Variants in KCNK1 observed in about 807,000 individuals in gnomAD.
The protein encoded by KCNK1 is potassium channel subfamily K member 1.
A neutral mutation model predicts 22.2 loss-of-function variants in KCNK1; 10 were observed. The observed-to-expected ratio is 0.45, with a 90% confidence interval of 0.28 to 0.76. The LOEUF is 0.76. Among genes scored for constraint, KCNK1 ranks in the 30% least tolerant of loss-of-function variants. The pLI is 0.14. For missense variants in KCNK1, 378 were observed against 421.0 expected, an observed-to-expected ratio of 0.90 and a Z score of 0.89; for synonymous variants, 200 against 186.4, an observed-to-expected ratio of 1.07 and a Z score of -0.60.
intron 1 of KCNK1, among the ~76,000 whole-genome samples, chr1:233,638,529 CTG>C (rs201385230): frequency 0.015 from 2,228 of 152,148 alleles, 31 homozygotes; most frequent in Non-Finnish European, 0.018. Flanking sequence ...GCAGGGTAAA[CTG>C]TGCTCTGCAG....
intron 1 of KCNK1, among the ~76,000 whole-genome samples, chr1:233,635,431 A>G (rs1571894283): frequency 6.6e-6 from 1 of 152,200 alleles, no homozygotes. Context: ...TGCCTCCAAG[A>G]TCATAACATT....
chr1:233,668,503 C>T (rs912168999), intron 2 of KCNK1, among the ~76,000 whole-genome samples: 4 of 152,132 alleles, frequency 2.6e-5, no homozygotes, highest in Non-Finnish European at 5.9e-5. Flanking sequence ...ATTTTTAGAG[C>T]CCATATGGTA....
intron 1 of KCNK1, among the ~76,000 whole-genome samples, chr1:233,648,425 A>G (rs542835371): frequency 2.6e-5 from 4 of 152,130 alleles, no homozygotes; most frequent in African/African-American, 9.7e-5. Context: ...TCCATCCCAC[A>G]TACCTCACCC....
chr1:233,661,209 G>A (rs771394200), intron 1 of KCNK1, among the ~76,000 whole-genome samples: 4 of 152,012 alleles, frequency 2.6e-5, no homozygotes, highest in South Asian at 2.1e-4. Flanking sequence ...ATTTCTAATC[G>A]TTCTTTCACT....
chr1:233,616,327 G>A (rs1174186084), intron 1 of KCNK1, among the ~76,000 whole-genome samples: 2 of 151,880 alleles, frequency 1.3e-5, no homozygotes, highest in East Asian at 1.9e-4. Flanking sequence ...TATCTGGGTG[G>A]GATTTTTCGT....
chr1:233,631,762 A>G (rs1290254642), intron 1 of KCNK1, among the ~76,000 whole-genome samples: 4 of 152,204 alleles, frequency 2.6e-5, no homozygotes, highest in Non-Finnish European at 5.9e-5. Context: ...GTTTTCACAC[A>G]TTAGCCTTGT....
intron 1 of KCNK1, among the ~76,000 whole-genome samples, chr1:233,626,680 A>T (rs1325899017): frequency 1.3e-5 from 2 of 152,170 alleles, no homozygotes; most frequent in South Asian, 2.1e-4. Flanking sequence ...CTGCCATTTA[A>T]TGAATACATT....
chr1:233,659,030 A>T (rs1658347224), intron 1 of KCNK1, among the ~76,000 whole-genome samples: 1 of 152,058 alleles, frequency 6.6e-6, no homozygotes, highest in African/African-American at 2.4e-5. Flanking sequence ...TTATTATATT[A>T]ATCTTAGCTT....
intron 2 of KCNK1, 144 bp from the exon 3 acceptor site, chr1:233,671,127 A>G: frequency 1.3e-6 from 1 of 758,228 alleles, no homozygotes; most frequent in Non-Finnish European, 2.2e-6. Context: ...ATGAACTTAA[A>G]AACACTTCTA....
intron 1 of KCNK1, among the ~76,000 whole-genome samples, chr1:233,618,831 C>T (rs1657529499): frequency 6.6e-6 from 1 of 151,946 alleles, no homozygotes; most frequent in Non-Finnish European, 1.5e-5. Flanking sequence ...TTGCAGTGAG[C>T]CAAGATTGCA....
chr1:233,623,803 G>T (rs1571889354), intron 1 of KCNK1, among the ~76,000 whole-genome samples: 1 of 152,162 alleles, frequency 6.6e-6, no homozygotes, highest in Admixed American at 6.5e-5. Flanking sequence ...TGGTTGCCAT[G>T]CTGGTCTTGA....
At chr1:233,614,616 C>T in intron 1 of KCNK1, 90 bp downstream of exon 1, 2 of 993,620 alleles carry the variant, frequency 2.0e-6, no homozygotes, top group East Asian at 5.4e-5. Flanking sequence ...CCCTCTAACC[C>T]TCCCACCCCA....
At position 233,614,185 on chromosome 1, in the gene KCNK1, T is replaced by A; in HGVS notation, c.14T>A (p.Leu5Gln). ...GCGGTGGAGAAGATGCTGCAGTCCC[T>A]GGCCGGCAGCTCGTGCGTGCGCCTG... is the stretch of plus-strand genomic sequence containing the variant. The part of the protein sequence containing the change: MLQS[L>Q]AGSSCVRLVE... Residue 5 changes from leucine (L) to glutamine (Q), a missense_variant, in exon 1 of 3, where the codon CTG becomes CAG. Coordinates refer to ENST00000366621, the MANE Select transcript of KCNK1 (RefSeq NM_002245.4). 2 of 1,604,574 alleles carry A rather than the reference T, an allele frequency of 1.2e-6. No homozygotes were observed. The highest frequency in any genetic ancestry group is 1.7e-5 in the Admixed American group (1 of 59,830).
At chr1:233,625,610 A>G (rs1657675611) in intron 1 of KCNK1, among the ~76,000 whole-genome samples, 1 of 152,152 alleles carries the variant, frequency 6.6e-6, no homozygotes, top group Non-Finnish European at 1.5e-5. Flanking sequence ...ACTAAGGGAA[A>G]TGCACAGGAT....
chr1:233,653,243 CA>C (rs1658230078), intron 1 of KCNK1, among the ~76,000 whole-genome samples: 3 of 152,196 alleles, frequency 2.0e-5, no homozygotes, highest in Admixed American at 2.0e-4. Flanking sequence ...GTGTCCTGAC[CA>C]ACTGATGTTT....
At chr1:233,667,949 G>A (rs1374958546) in intron 2 of KCNK1, among the ~76,000 whole-genome samples, 5 of 152,066 alleles carry the variant, frequency 3.3e-5, no homozygotes, top group Admixed American at 6.5e-5. Flanking sequence ...GAAGAAGTTC[G>A]CCTCTATTAA....
At chr1:233,646,051 G>A (rs1349084628) in intron 1 of KCNK1, among the ~76,000 whole-genome samples, 3 of 152,152 alleles carry the variant, frequency 2.0e-5, no homozygotes, top group Non-Finnish European at 4.4e-5. Flanking sequence ...GGTGATGGTG[G>A]GGATGGAGGT....
chr1:233,662,954 A>G (rs1310793224), intron 1 of KCNK1, among the ~76,000 whole-genome samples: 1 of 152,244 alleles, frequency 6.6e-6, no homozygotes, highest in Non-Finnish European at 1.5e-5. Flanking sequence ...GGAGTTAAAT[A>G]TGATTATAAG....
chr1:233,645,575 G>A (rs1333339268), intron 1 of KCNK1, among the ~76,000 whole-genome samples: 4 of 152,210 alleles, frequency 2.6e-5, no homozygotes, highest in African/African-American at 7.2e-5. Flanking sequence ...TACAGCCTTC[G>A]GAGGGACTGC....
Sources: gnomAD v4.1 joint callset for allele counts (sites outside exome capture counted in the v4.1 genomes callset) on GRCh38, gnomAD v4.1.1 for gene constraint, MANE v1.5 for transcripts, NCBI Gene and HGNC (gene_info 2026-07-23, HGNC 2026-07-21) for gene names.